BTG4: variants seen among roughly 807,000 people sequenced by gnomAD.
BTG4 encodes the protein BTG anti-proliferation factor 4.
In BTG4, 10 loss-of-function variants were observed where a neutral mutation model predicts 19.3. The observed-to-expected ratio is 0.52, with a 90% confidence interval of 0.32 to 0.88. The LOEUF is 0.88. Ranked by LOEUF, BTG4 falls within the 40% of genes least tolerant of loss-of-function variation. The pLI is 0.04. For synonymous variants in BTG4, 91 were observed against 95.7 expected, an observed-to-expected ratio of 0.95 and a Z score of 0.29; for missense variants, 238 against 281.9, an observed-to-expected ratio of 0.84 and a Z score of 1.11.
chr11:111,473,867 T>C (rs1373558753), intron 5 of BTG4, among the ~76,000 whole-genome samples: 1 of 152,180 alleles, frequency 6.6e-6, no homozygotes, highest in Non-Finnish European at 1.5e-5. Context: ...TGTCTTCTCA[T>C]TCAGGGTTTC....
At chr11:111,425,254 G>C in the BTG4 span, among the ~76,000 whole-genome samples, 1 of 152,130 alleles carries the variant, frequency 6.6e-6, no homozygotes, top group Admixed American at 6.5e-5. Flanking sequence ...TTCTGGGTAG[G>C]GGGTTCACAG....
At chr11:111,430,620 C>T in the BTG4 span, among the ~76,000 whole-genome samples, 1 of 152,224 alleles carries the variant, frequency 6.6e-6, no homozygotes, top group African/African-American at 2.4e-5. Context: ...GACACCATTA[C>T]CATCTTGACT....
chr11:111,438,586 C>T, the BTG4 span, among the ~76,000 whole-genome samples: 6 of 152,194 alleles, frequency 3.9e-5, no homozygotes, highest in Admixed American at 2.6e-4. Flanking sequence ...ACAACAGAGA[C>T]ATTTTATTCA....
downstream of BTG4, chr11:111,462,969 C>T (rs761905710): frequency 6.5e-6 from 1 of 152,702 alleles, no homozygotes; most frequent in Non-Finnish European, 1.5e-5. Context: ...GCTCAAGGAA[C>T]CTTGGATGTG....
intron 5 of BTG4, chr11:111,467,799 T>C (rs111509237): frequency 6.5e-6 from 4 of 613,456 alleles, no homozygotes; most frequent in Non-Finnish European, 8.6e-6. Context: ...GCATAATAAA[T>C]GTCACAGTGT....
chr11:111,501,936 CAGA>C (rs1866109373), intron 1 of BTG4, among the ~76,000 whole-genome samples: 1 of 152,078 alleles, frequency 6.6e-6, no homozygotes, highest in Non-Finnish European at 1.5e-5. Flanking sequence ...ACTATGTACC[CAGA>C]ACATATTAAA....
At chr11:111,401,553 T>C in the BTG4 span, among the ~76,000 whole-genome samples, 1 of 152,048 alleles carries the variant, frequency 6.6e-6, no homozygotes, top group Admixed American at 6.6e-5. Flanking sequence ...TATTTTTGCA[T>C]CCCTTCTGCA....
At chr11:111,437,780 C>G in the BTG4 span, among the ~76,000 whole-genome samples, 5 of 152,206 alleles carry the variant, frequency 3.3e-5, no homozygotes, top group African/African-American at 1.2e-4. Flanking sequence ...CTCTTACTTG[C>G]TTCTGCTACT....
chr11:111,491,609 G>T (rs1288445481), downstream of BTG4, among the ~76,000 whole-genome samples: 1 of 151,708 alleles, frequency 6.6e-6, no homozygotes, highest in East Asian at 1.9e-4. Flanking sequence ...TTAGCCAGGT[G>T]CCTGTAGTCC....
chr11:111,485,772 T>A (rs1458994251), intron 5 of BTG4, among the ~76,000 whole-genome samples: 1 of 151,934 alleles, frequency 6.6e-6, no homozygotes, highest in Non-Finnish European at 1.5e-5. Flanking sequence ...ATTGAGACTT[T>A]AAAAAAATAC....
At chr11:111,495,352 C>G in intron 4 of BTG4, 38 bp from the exon 5 acceptor site, 1 of 1,542,472 alleles carries the variant, frequency 6.5e-7, no homozygotes, top group Non-Finnish European at 8.9e-7. Context: ...AATAAGCTAG[C>G]TGTAAGGACT....
chr11:111,488,865 G>A (rs544912802), intron 5 of BTG4, among the ~76,000 whole-genome samples: 1 of 152,110 alleles, frequency 6.6e-6, no homozygotes, highest in Non-Finnish European at 1.5e-5. Context: ...AACAAACAAG[G>A]CCGGCCACGG....
At chr11:111,454,160 G>T in the BTG4 span, 1 of 394,240 alleles carries the variant, frequency 2.5e-6, no homozygotes, top group Non-Finnish European at 4.9e-6. Context: ...ATAGGAAGAA[G>T]ATGCATGGAA....
intron 1 of BTG4, among the ~76,000 whole-genome samples, chr11:111,511,479 G>A (rs1676587780): frequency 6.6e-6 from 1 of 152,156 alleles, no homozygotes; most frequent in African/African-American, 2.4e-5. Flanking sequence ...TCTATAGGTG[G>A]GAAGTTTTCT....
intron 1 of BTG4, among the ~76,000 whole-genome samples, chr11:111,502,640 A>G (rs1451925479): frequency 6.6e-6 from 1 of 152,124 alleles, no homozygotes; most frequent in Non-Finnish European, 1.5e-5. Flanking sequence ...ACAAACACAA[A>G]ATTTTTTTTC....
At chr11:111,396,012 G>A in the BTG4 span, among the ~76,000 whole-genome samples, 1 of 152,210 alleles carries the variant, frequency 6.6e-6, no homozygotes, top group East Asian at 1.9e-4. Flanking sequence ...TGACGCTGCT[G>A]TTGCAGGACA....
At chr11:111,418,663 G>T in the BTG4 span, among the ~76,000 whole-genome samples, 8 of 152,194 alleles carry the variant, frequency 5.3e-5, no homozygotes, top group South Asian at 2.1e-4. Context: ...TAGCTACTTA[G>T]GCTAACCACC....
At chr11:111,477,900 G>C (rs1864491851) in intron 5 of BTG4, among the ~76,000 whole-genome samples, 1 of 152,072 alleles carries the variant, frequency 6.6e-6, no homozygotes. Flanking sequence ...GTTGAATGGG[G>C]AGTCTAGAGC....
intron 5 of BTG4, among the ~76,000 whole-genome samples, chr11:111,472,864 T>C (rs953585976): frequency 7.2e-5 from 11 of 152,154 alleles, no homozygotes; most frequent in African/African-American, 2.7e-4. Flanking sequence ...AACAAGTAGA[T>C]TTATATGGGC....
Sources: gnomAD v4.1 joint callset for allele counts (sites outside exome capture counted in the v4.1 genomes callset) on GRCh38, gnomAD v4.1.1 for gene constraint, MANE v1.5 for transcripts, NCBI Gene and HGNC (gene_info 2026-07-23, HGNC 2026-07-21) for gene names.